The following FAM135A variants were observed in gnomAD, a reference collection of about 807,000 sequenced individuals.
The protein encoded by FAM135A is family with sequence similarity 135 member A, also known as protein FAM135A.
FAM135A carries 79 observed loss-of-function variants against 146.8 expected under a neutral mutation model. The ratio of observed to expected loss-of-function variants is 0.54; its 90% confidence interval spans 0.45 to 0.65. The LOEUF (loss-of-function observed/expected upper bound fraction) is 0.65, where lower values mean the gene tolerates loss of function less well. Among genes scored for constraint, FAM135A ranks in the 30% least tolerant of loss-of-function variants. FAM135A has a pLI of 0.00. For missense variants in FAM135A, 1,623 were observed against 1,758.2 expected (o/e 0.92, Z 1.38); for synonymous variants, 562 against 603.6 (o/e 0.93, Z 1.01).
intron 5 of FAM135A, among the ~76,000 whole-genome samples, chr6:70,453,447 A>T (rs1582221892): frequency 2.0e-5 from 3 of 152,054 alleles, no homozygotes; most frequent in African/African-American, 4.8e-5. Flanking sequence ...AAGTTCTAGG[A>T]TACATGTGCA....
chr6:70,557,353 GAGATA>G (rs1483696712), intron 21 of FAM135A: 1 of 160,806 alleles, frequency 6.2e-6, no homozygotes, highest in Non-Finnish European at 1.4e-5. Flanking sequence ...CTAAAGCCCA[GAGATA>G]CTAAGTGGCT....
intron 11 of FAM135A, among the ~76,000 whole-genome samples, chr6:70,495,020 A>G (rs967814877): frequency 3.3e-5 from 5 of 152,166 alleles, no homozygotes; most frequent in Non-Finnish European, 5.9e-5. Context: ...AGCTTATGTC[A>G]GCTTATATTT....
chr6:70,506,116 T>C (rs1236367860), intron 12 of FAM135A, among the ~76,000 whole-genome samples: 1 of 152,158 alleles, frequency 6.6e-6, no homozygotes, highest in Non-Finnish European at 1.5e-5. Flanking sequence ...CAACAATGAA[T>C]TGTGGTAATA....
At chr6:70,496,069 A>ACTGTTGTGAATAGTG (rs2128231562) in intron 11 of FAM135A, among the ~76,000 whole-genome samples, 1 of 152,152 alleles carries the variant, frequency 6.6e-6, no homozygotes, top group South Asian at 2.1e-4. Context: ...CCAAGTCTTT[A>ACTGTTGTGAATAGTG]CTGTTGTGAA....
At position 70,440,655 on chromosome 6, in the gene FAM135A, T is replaced by C. The variant is rs1173825753; in HGVS notation, c.78-11837T>C. On this transcript the variant is annotated intron_variant, in intron 4 of 21. Transcript: ENST00000418814. The stretch of plus-strand genomic sequence containing the variant: ...GTGAGCTGAGATTGCACCATTGCAC[T>C]CCAACCTGGGCAATAAGAGCTTTTT... Among the ~76,000 whole-genome samples, 9 of 152,326 alleles carry C rather than the reference T, an allele frequency of 5.9e-5. No individual in the cohort carries two copies. The East Asian group carries it at 1.7e-3, about 29-fold the overall frequency.
At chr6:70,447,826 A>T (rs1208400544) in intron 4 of FAM135A, among the ~76,000 whole-genome samples, 1 of 152,130 alleles carries the variant, frequency 6.6e-6, no homozygotes, top group Non-Finnish European at 1.5e-5. Flanking sequence ...TAGTATGCCC[A>T]TGCTTCTCAC....
intron 12 of FAM135A, among the ~76,000 whole-genome samples, chr6:70,515,129 T>C (rs1396574021): frequency 6.6e-6 from 1 of 152,210 alleles, no homozygotes; most frequent in East Asian, 1.9e-4. Flanking sequence ...GTTGGTGAGA[T>C]GTGGAGCAAC....
intron 16 of FAM135A, among the ~76,000 whole-genome samples, chr6:70,528,742 G>A (rs1012490817): frequency 1.3e-5 from 2 of 151,280 alleles, no homozygotes; most frequent in East Asian, 1.9e-4. Context: ...GGATACATAC[G>A]CAGAACATGT....
At chr6:70,552,963 A>AT (rs1257021349) in intron 20 of FAM135A, among the ~76,000 whole-genome samples, 1 of 151,892 alleles carries the variant, frequency 6.6e-6, no homozygotes, top group African/African-American at 2.4e-5. Context: ...CATATTTTTA[A>AT]TTTTTTTTAA....
rs111500395 is a variant in FAM135A, at chr6:70,530,397, A to C, written c.3775+1945A>C. 4.2e-3 allele frequency among the ~76,000 whole-genome samples: 642 copies of C among 152,324 alleles called. 4 individuals carry two copies. The highest frequency in any genetic ancestry group is 0.015 in the African/African-American group (606 of 41,578). ...GTGAATATTAGAGGTACAACTTTTA[A>C]AATGAAGAATAAAAGAATTATCTCT... On this transcript the variant is annotated intron_variant, in intron 16 of 21. Transcript: ENST00000418814.
intron 5 of FAM135A, among the ~76,000 whole-genome samples, chr6:70,454,074 T>G (rs535509708): frequency 1.7e-3 from 260 of 152,336 alleles, no homozygotes; most frequent in Non-Finnish European, 3.0e-3. Flanking sequence ...CTCTAGCACC[T>G]GTTGTTCCCT....
At chr6:70,454,989 G>A (rs1021725225) in intron 5 of FAM135A, among the ~76,000 whole-genome samples, 1 of 152,170 alleles carries the variant, frequency 6.6e-6, no homozygotes, top group East Asian at 1.9e-4. Context: ...AGCTTGATGG[G>A]GATGGCATTG....
At chr6:70,428,586 A>C (rs546964427) in intron 4 of FAM135A, among the ~76,000 whole-genome samples, 167 bp downstream of exon 4, 16 of 152,296 alleles carry the variant, frequency 1.1e-4, no homozygotes, top group African/African-American at 3.4e-4. Flanking sequence ...TTTTGGGATT[A>C]TTCACATGAA....
chr6:70,525,008 G>T lies in FAM135A; in HGVS notation c.1924G>T (p.Asp642Tyr). 6.3e-7 allele frequency: 1 copy of T among 1,599,510 alleles called. No homozygotes were observed. Among genetic ancestry groups the T allele is most frequent in the South Asian group, 1.1e-5 (1 of 87,600 alleles). ...HNLASRRSSD[D>Y]CHDHQTTPSL... ...TCTGGCATCCAGAAGGTCATCAGACGATTGCCATGATCATCAAACAACCCC... is the reference window on the plus strand; with the variant it reads ...TCTGGCATCCAGAAGGTCATCAGACTATTGCCATGATCATCAAACAACCCC... The change falls in exon 15 of 22, where the codon GAT becomes TAT. Residue 642 changes from aspartate to tyrosine, a missense_variant. Physicochemically the swap from Asp to Tyr is radical, Grantham distance 160. This residue lies in a region of FAM135A where 1,061 missense variants were observed against 1,113.8 expected (regional missense o/e 0.95). Coordinates refer to ENST00000418814, the MANE Select transcript of FAM135A (RefSeq NM_001162529.3).
intron 11 of FAM135A, among the ~76,000 whole-genome samples, chr6:70,499,446 C>T (rs1788018820): frequency 6.6e-6 from 1 of 152,142 alleles, no homozygotes; most frequent in Non-Finnish European, 1.5e-5. Flanking sequence ...ATTTGCCAGT[C>T]TGTGTTTTTA....
At position 70,428,382 on chromosome 6, in the gene FAM135A, C is replaced by G. The variant is rs1201830295; in HGVS notation, c.40C>G (p.Leu14Val). 1 of 1,603,254 alleles carries G rather than the reference C, an allele frequency of 6.2e-7. No homozygotes were observed. The highest frequency in any genetic ancestry group is 1.7e-5 in the Admixed American group (1 of 58,728). ...VQAMVEFSVELNKFYNVDLFQ... is the reference protein window; with the variant it reads ...VQAMVEFSVEVNKFYNVDLFQ... ...AGCAATGGTAGAATTCTCTGTGGAGCTAAACAAGTTCTACAATGTGGATTT... is the reference window on the plus strand; with the variant it reads ...AGCAATGGTAGAATTCTCTGTGGAGGTAAACAAGTTCTACAATGTGGATTT... Residue 14 changes from leucine to valine, a missense_variant, in exon 4 of 22, where the codon CTA becomes GTA. Coordinates refer to ENST00000418814, the MANE Select transcript of FAM135A (RefSeq NM_001162529.3).
intron 5 of FAM135A, among the ~76,000 whole-genome samples, chr6:70,462,096 A>G (rs1249703672): frequency 2.0e-5 from 3 of 152,200 alleles, no homozygotes; most frequent in African/African-American, 7.2e-5. Flanking sequence ...AGCCATTTAT[A>G]TGTAATTTCC....
intron 4 of FAM135A, among the ~76,000 whole-genome samples, chr6:70,439,717 T>G (rs1159392815): frequency 6.6e-6 from 1 of 152,222 alleles, no homozygotes; most frequent in Non-Finnish European, 1.5e-5. Flanking sequence ...TACCAGTGTT[T>G]CAGGTTTATT....
At chr6:70,428,217 A>T in intron 3 of FAM135A, 87 bp from the exon 4 acceptor site, 2 of 601,552 alleles carry the variant, frequency 3.3e-6, no homozygotes, top group South Asian at 5.6e-5. Flanking sequence ...TATGTGTCAT[A>T]TTCTAAAATA....
Sources: gnomAD v4.1 joint callset for allele counts (sites outside exome capture counted in the v4.1 genomes callset) on GRCh38, gnomAD v4.1.1 for gene constraint, gnomAD v4.1.1 regional missense constraint, MANE v1.5 for transcripts, NCBI Gene and HGNC (gene_info 2026-07-23, HGNC 2026-07-21) for gene names.